Variants in PLEKHG4B observed in about 807,000 individuals in gnomAD.
PLEKHG4B encodes pleckstrin homology and RhoGEF domain containing G4B.
PLEKHG4B carries 111 observed loss-of-function variants against 121.3 expected under a neutral mutation model. That is an observed-to-expected ratio of 0.92 (90% CI 0.78 to 1.07). PLEKHG4B has a LOEUF of 1.07. Among genes scored for constraint, PLEKHG4B ranks in the 50% least tolerant of loss-of-function variants. The pLI is 0.00. For synonymous variants in PLEKHG4B, 738 were observed against 725.0 expected (o/e 1.02, Z -0.29); for missense variants, 1,831 against 1,757.8 (o/e 1.04, Z -0.74).
chr5:171,166 C>T (rs1736533961), intron 15 of PLEKHG4B, 34 bp downstream of exon 15: 1 of 1,607,338 alleles, frequency 6.2e-7, no homozygotes, highest in African/African-American at 1.3e-5. Context: ...CACAGCCTGC[C>T]CGGCCCTCAG....
intron 1 of PLEKHG4B, among the ~76,000 whole-genome samples, chr5:97,204 C>G (rs1733653830): frequency 6.6e-6 from 1 of 151,674 alleles, no homozygotes; most frequent in South Asian, 2.1e-4. Flanking sequence ...TTTCCTCATT[C>G]CAAAGTCCAA....
intron 2 of PLEKHG4B, among the ~76,000 whole-genome samples, chr5:122,482 C>T (rs907772493): frequency 3.3e-5 from 5 of 151,884 alleles, no homozygotes; most frequent in African/African-American, 4.8e-5. Flanking sequence ...TACGGTGGTG[C>T]GATCTTAGCT....
intron 5 of PLEKHG4B, 129 bp from the exon 6 acceptor site, chr5:144,698 T>G: frequency 1.4e-6 from 1 of 714,726 alleles, no homozygotes; most frequent in East Asian, 2.7e-5. Context: ...AAGGTTGATG[T>G]GTATAGAGAA....
At chr5:151,827 C>G (rs1408704477) in intron 7 of PLEKHG4B, among the ~76,000 whole-genome samples, 1 of 152,236 alleles carries the variant, frequency 6.6e-6, no homozygotes, top group Non-Finnish European at 1.5e-5. Flanking sequence ...TTCTTTCCTT[C>G]TCTTTCTTTG....
At position 163,222 on chromosome 5, in the gene PLEKHG4B, G is replaced by A. The variant is rs750124253; in HGVS notation, c.3150G>A (p.Thr1050=). The stretch of plus-strand genomic sequence containing the variant: ...GCCTTCCAGGGGCAGGGGCCACCAC[G>A]GCCCACCTGGAGGACAGCTCTGCCT... ...LRGLPGAGAT[T]AHLEDSSACS... is the part of the protein sequence containing the mutation. The change falls in exon 13 of 20, where the codon ACG becomes ACA. Residue 1050 remains threonine, a synonymous_variant. Transcript: ENST00000637938. 75 of 1,601,994 alleles carry A rather than the reference G, an allele frequency of 4.7e-5. 1 individual carries two copies. The highest frequency in any genetic ancestry group is 2.2e-4 in the South Asian group (20 of 88,964).
At chr5:128,596 GC>G (rs1734688785) in intron 2 of PLEKHG4B, among the ~76,000 whole-genome samples, 1 of 152,226 alleles carries the variant, frequency 6.6e-6, no homozygotes, top group Admixed American at 6.5e-5. Context: ...AGGTGGGGCT[GC>G]CAGTGGGGCC....
chr5:107,164 C>T (rs1045716406), intron 1 of PLEKHG4B, among the ~76,000 whole-genome samples: 1 of 152,196 alleles, frequency 6.6e-6, no homozygotes, highest in Non-Finnish European at 1.5e-5. Context: ...AGGTCCTGCC[C>T]ATCTCTGCCT....
chr5:122,544 C>T (rs748930460), intron 2 of PLEKHG4B, among the ~76,000 whole-genome samples: 12 of 152,004 alleles, frequency 7.9e-5, no homozygotes, highest in African/African-American at 1.4e-4. Flanking sequence ...CTCAGCCTCC[C>T]GAATAGCTGG....
rs1381508973 is a variant in PLEKHG4B at position 157,508 on chromosome 5, AGT to A, written c.2487+603_2487+604del. Among the ~76,000 whole-genome samples the A allele has an allele frequency of 6.6e-6, 1 of 152,104 alleles. No homozygotes were observed. The highest frequency in any genetic ancestry group is 1.5e-5 in the Non-Finnish European group (1 of 68,004). On this transcript the variant is annotated intron_variant, in intron 11 of 19. Coordinates refer to ENST00000637938, the MANE Select transcript of PLEKHG4B (RefSeq NM_052909.5). The surrounding 1 kb of genome is among the most constrained non-coding windows in gnomAD (Gnocchi z 4.6). Reference sequence around the variant, plus strand: ...GGACTACAGGGTGTGAGTTGTGCACAGTGTGTGGCGTGGCTGGGGTTATTGAT... The same window carrying A: ...GGACTACAGGGTGTGAGTTGTGCACAGTGTGGCGTGGCTGGGGTTATTGAT...
Position 162,840 on chromosome 5 carries a change from C to G in PLEKHG4B, c.2768C>G (p.Ala923Gly). The change falls in exon 13 of 20, where the codon GCA (alanine) becomes GGA (glycine). Residue 923 changes from alanine (A) to glycine (G), a missense_variant. Physicochemically the swap from Ala to Gly is moderately conservative, Grantham distance 60. Transcript: ENST00000637938. ...TSVAAEAFPG[A>G]GVAVLKPHAL... Reference sequence around the variant, plus strand: ...GTGGCTGCAGAGGCCTTCCCCGGGGCAGGTGTGGCAGTGCTGAAGCCTCAT... The same window carrying G: ...GTGGCTGCAGAGGCCTTCCCCGGGGGAGGTGTGGCAGTGCTGAAGCCTCAT... The G allele has an allele frequency of 6.6e-7, 1 of 1,510,910 alleles. No individual in the cohort carries two copies. Among genetic ancestry groups the G allele is most frequent in the Non-Finnish European group, 8.9e-7 (1 of 1,129,576 alleles). 93.6% of individuals were successfully genotyped at this position (1,510,910 alleles called of 1,614,324 possible). A position where few individuals can be genotyped will look rare whatever the true frequency, so the allele number is the denominator to read the frequency against.
Position 182,127 on chromosome 5 carries a change from T to G in PLEKHG4B, c.4688T>G (p.Leu1563Arg), listed in dbSNP as rs751414654. ...TCTAGCAGCCAGTCCTCCTCCATCC[T>G]GGGGTCGCTGGGCCTGCTTGTGTCC... ...SSSSSQSSSI[L>R]GSLGLLVSSS... is the part of the protein sequence containing the mutation. The change falls in exon 20 of 20, where the codon CTG (leucine) becomes CGG (arginine). Residue 1563 changes from leucine to arginine, a missense_variant. Transcript: ENST00000637938. 2 of 1,614,074 alleles carry G rather than the reference T, an allele frequency of 1.2e-6. No individual in the cohort carries two copies. Among genetic ancestry groups the G allele is most frequent in the Non-Finnish European group, 1.7e-6 (2 of 1,180,032 alleles).
intron 18 of PLEKHG4B, among the ~76,000 whole-genome samples, chr5:176,322 G>A (rs1244339606): frequency 1.3e-5 from 2 of 152,138 alleles, no homozygotes; most frequent in African/African-American, 4.8e-5. Context: ...AGTGCACAAA[G>A]TCTCCCTGGG....
chr5:117,823 A>G (rs978413251), intron 2 of PLEKHG4B, among the ~76,000 whole-genome samples: 1 of 152,216 alleles, frequency 6.6e-6, no homozygotes, highest in African/African-American at 2.4e-5. Context: ...ACTACACTCC[A>G]TCCTGGGCAA....
chr5:135,715 ATATATATATATATG>A, intron 2 of PLEKHG4B, among the ~76,000 whole-genome samples: 3 of 110,774 alleles, frequency 2.7e-5, no homozygotes, highest in Admixed American at 9.2e-5. Context: ...ATATATATAT[ATATATATATATATG>A]TATGTCAGTA....
chr5:99,834 A>G (rs1733748900), intron 1 of PLEKHG4B, among the ~76,000 whole-genome samples: 1 of 152,106 alleles, frequency 6.6e-6, no homozygotes. Context: ...TGAGTTTTTC[A>G]CCATTGAGTA....
chr5:151,646 A>G (rs372588721), intron 7 of PLEKHG4B, 47 bp downstream of exon 7: 36 of 1,256,274 alleles, frequency 2.9e-5, no homozygotes, highest in African/African-American at 4.5e-5. Flanking sequence ...AAAATTAAAC[A>G]TTAAGGCACC....
At chr5:162,016 C>T in intron 12 of PLEKHG4B, 72 bp downstream of exon 12, 4 of 1,491,586 alleles carry the variant, frequency 2.7e-6, no homozygotes, top group Non-Finnish European at 3.6e-6. Context: ...CAAGTGCCTC[C>T]CCTCACAAGC....
intron 14 of PLEKHG4B, among the ~76,000 whole-genome samples, chr5:170,762 TC>T (rs965913632): frequency 6.6e-6 from 1 of 151,478 alleles, no homozygotes; most frequent in African/African-American, 2.4e-5. Context: ...TGCATCCTCT[TC>T]CCCCCTCAAC....
chr5:163,261 C>T lies in PLEKHG4B; in HGVS notation c.3189C>T (p.Pro1063=), dbSNP rs1445657090. The T allele has an allele frequency of 5.0e-6, 8 of 1,612,470 alleles. No homozygotes were observed. The highest frequency in any genetic ancestry group is 6.8e-6 in the Non-Finnish European group (8 of 1,179,696). ...ACAGCTCTGCCTGTTCCTCTGAGCCCACCCAGACCCTGGCCAGCCGCCCCA... is the reference window on the plus strand; with the variant it reads ...ACAGCTCTGCCTGTTCCTCTGAGCCTACCCAGACCCTGGCCAGCCGCCCCA... ...LEDSSACSSE[P]TQTLASRPRK... The change falls in exon 13 of 20, where the codon CCC becomes CCT. Residue 1063 remains proline (P), a synonymous_variant. Coordinates refer to ENST00000637938, the MANE Select transcript of PLEKHG4B (RefSeq NM_052909.5).
Sources: gnomAD v4.1 joint callset for allele counts (sites outside exome capture counted in the v4.1 genomes callset) on GRCh38, gnomAD v4.1.1 for gene constraint, Gnocchi (gnomAD v3.1) non-coding constraint, MANE v1.5 for transcripts, NCBI Gene and HGNC (gene_info 2026-07-23, HGNC 2026-07-21) for gene names.